Variants in ANO10 observed in about 807,000 individuals in gnomAD.
ANO10 encodes anoctamin-10.
In ANO10, 77 loss-of-function variants were observed where a neutral mutation model predicts 74.7. The ratio of observed to expected loss-of-function variants is 1.03; its 90% CI spans 0.86 to 1.25. The LOEUF (loss-of-function observed/expected upper bound fraction) is 1.25, where lower values mean the gene tolerates loss of function less well. ANO10 is among the 50% of genes most tolerant of loss of function. ANO10 has a pLI of 0.00. For missense variants in ANO10, 721 were observed against 778.1 expected (o/e 0.93, Z 0.87); for synonymous variants, 279 against 284.9 (o/e 0.98, Z 0.21).
chr3:43,610,469 C>T (rs1395826347), intron 1 of ANO10, among the ~76,000 whole-genome samples: 1 of 152,120 alleles, frequency 6.6e-6, no homozygotes, highest in Non-Finnish European at 1.5e-5. Context: ...ATGTACTATA[C>T]ATAATTATAT....
At chr3:43,378,343 G>A (rs891832970) in intron 12 of ANO10, among the ~76,000 whole-genome samples, 3 of 152,168 alleles carry the variant, frequency 2.0e-5, no homozygotes, top group Non-Finnish European at 2.9e-5. Context: ...CCCTGGTGGT[G>A]GCAGAGGGGA....
At chr3:43,445,840 C>T (rs1340781440) in intron 11 of ANO10, among the ~76,000 whole-genome samples, 1 of 152,114 alleles carries the variant, frequency 6.6e-6, no homozygotes, top group Non-Finnish European at 1.5e-5. Flanking sequence ...GCTGGGACTA[C>T]AGGTGTGCAC....
At chr3:43,516,845 T>G (rs575132036) in intron 11 of ANO10, among the ~76,000 whole-genome samples, 1 of 152,284 alleles carries the variant, frequency 6.6e-6, no homozygotes, top group East Asian at 1.9e-4. Context: ...TGTTCCTATT[T>G]GTTGAGATTA....
chr3:43,509,604 T>C (rs1456197588), intron 11 of ANO10, among the ~76,000 whole-genome samples: 1 of 152,174 alleles, frequency 6.6e-6, no homozygotes, highest in African/African-American at 2.4e-5. Flanking sequence ...GGTGGGAATA[T>C]AAAATGGTAA....
chr3:43,438,988 A>C (rs1180770083), intron 11 of ANO10, among the ~76,000 whole-genome samples: 10 of 152,166 alleles, frequency 6.6e-5, no homozygotes, highest in Admixed American at 6.5e-4. Context: ...TGAGGAAATA[A>C]TAGCTGGAAA....
chr3:43,583,566 G>C (rs2081351427), intron 4 of ANO10, among the ~76,000 whole-genome samples: 3 of 152,234 alleles, frequency 2.0e-5, no homozygotes, highest in Admixed American at 6.5e-5. Flanking sequence ...TGGTTTATGT[G>C]ATGTGTTTAC....
At chr3:43,584,740 G>A (rs1343085910) in intron 4 of ANO10, among the ~76,000 whole-genome samples, 1 of 152,102 alleles carries the variant, frequency 6.6e-6, no homozygotes, top group Non-Finnish European at 1.5e-5. Flanking sequence ...TCATGTTTAC[G>A]TGACAAAACT....
intron 1 of ANO10, among the ~76,000 whole-genome samples, chr3:43,654,604 G>T (rs2083825922): frequency 6.6e-6 from 1 of 152,096 alleles, no homozygotes; most frequent in African/African-American, 2.4e-5. Context: ...GAGAGAACTA[G>T]TAACACAACC....
At chr3:43,531,752 A>G (rs2078477622) in intron 11 of ANO10, among the ~76,000 whole-genome samples, 1 of 151,892 alleles carries the variant, frequency 6.6e-6, no homozygotes, top group Admixed American at 6.6e-5. Flanking sequence ...AAAATTAGCC[A>G]GGCGTGGTAG....
chr3:43,405,662 C>A (rs112314138), intron 12 of ANO10, among the ~76,000 whole-genome samples: 1 of 151,956 alleles, frequency 6.6e-6, no homozygotes, highest in South Asian at 2.1e-4. Context: ...TTTGTAGAGA[C>A]GAGGTCTCAC....
At chr3:43,460,791 T>TA (rs1448421754) in intron 11 of ANO10, among the ~76,000 whole-genome samples, 5 of 151,836 alleles carry the variant, frequency 3.3e-5, no homozygotes, top group South Asian at 2.1e-4. Flanking sequence ...GGGTTTTTTT[T>TA]AAAAAAAGGA....
intron 9 of ANO10, among the ~76,000 whole-genome samples, chr3:43,560,825 A>G (rs1355400411): frequency 6.6e-6 from 1 of 152,212 alleles, no homozygotes; most frequent in Non-Finnish European, 1.5e-5. Context: ...TTGTTCATCA[A>G]TGAGTCTCTA....
rs555498830 is a variant in ANO10, at chr3:43,531,505, C to G, written c.1797+18215G>C. Among the ~76,000 whole-genome samples, 6 of 152,268 alleles carry G rather than the reference C, an allele frequency of 3.9e-5. No homozygotes were observed. In the South Asian group the frequency reaches 1.2e-3, roughly 32 times the overall value. On this transcript the variant is annotated intron_variant, in intron 11 of 12. Transcript: ENST00000292246. ...TATGAAATGAAAAGCTACTATGCTG[C>G]ATTTTAGGTTTCTTATTGGTATAAA...
chr3:43,587,717 G>A (rs370125904), intron 4 of ANO10, among the ~76,000 whole-genome samples: 17 of 152,046 alleles, frequency 1.1e-4, no homozygotes, highest in African/African-American at 2.2e-4. Context: ...ATCAAGATCC[G>A]ACATCCCATA....
intron 11 of ANO10, among the ~76,000 whole-genome samples, chr3:43,510,523 T>C (rs2077471165): frequency 6.6e-6 from 1 of 151,926 alleles, no homozygotes; most frequent in African/African-American, 2.4e-5. Context: ...GATTGTATCA[T>C]TGTAAATATA....
chr3:43,411,160 C>T (rs1177258384), intron 12 of ANO10, among the ~76,000 whole-genome samples: 1 of 152,058 alleles, frequency 6.6e-6, no homozygotes, highest in African/African-American at 2.4e-5. Context: ...AATGTAGTGA[C>T]ACTGTGAGGA....
At chr3:43,680,048 C>T (rs1325758610) in intron 1 of ANO10, among the ~76,000 whole-genome samples, 1 of 152,192 alleles carries the variant, frequency 6.6e-6, no homozygotes, top group East Asian at 1.9e-4. Flanking sequence ...TCCAAAGGAA[C>T]ACAGCTCCTC....
At chr3:43,554,910 C>A (rs376630276) in intron 10 of ANO10, among the ~76,000 whole-genome samples, 1 of 152,102 alleles carries the variant, frequency 6.6e-6, no homozygotes, top group African/African-American at 2.4e-5. Context: ...CTCATTACTG[C>A]CAGATAGGAG....
At chr3:43,460,228 T>C (rs1322126068) in intron 11 of ANO10, among the ~76,000 whole-genome samples, 1 of 152,164 alleles carries the variant, frequency 6.6e-6, no homozygotes, top group East Asian at 1.9e-4. Flanking sequence ...GCTTTGGCTA[T>C]GGAAAAAGCC....
Sources: allele counts gnomAD v4.1 joint callset (sites outside exome capture counted in the v4.1 genomes callset), GRCh38; gene constraint gnomAD v4.1.1; transcripts MANE v1.5; gene names NCBI Gene and HGNC (gene_info 2026-07-23, HGNC 2026-07-21).